The following SLC17A8 variants were observed in gnomAD, a reference collection of about 807,000 sequenced individuals.
The protein encoded by SLC17A8 is solute carrier family 17 member 8, also known as vesicular glutamate transporter 3.
SLC17A8 carries 31 observed loss-of-function variants against 58.0 expected under a neutral mutation model. The ratio of observed to expected loss-of-function variants is 0.53; its 90% CI spans 0.40 to 0.72. SLC17A8 has a LOEUF of 0.72. Ranked by LOEUF, SLC17A8 falls within the 30% of genes least tolerant of loss-of-function variation. The probability of loss-of-function intolerance (pLI) is 0.00; values close to 1 mark genes in which losing one functional copy is unlikely to be tolerated. For missense variants in SLC17A8, 655 were observed against 727.8 expected (o/e 0.90, Z 1.15); for synonymous variants, 228 against 249.0 (o/e 0.92, Z 0.79).
chr12:100,376,397 TA>T (rs1386147926), intron 1 of SLC17A8, among the ~76,000 whole-genome samples: 1 of 152,056 alleles, frequency 6.6e-6, no homozygotes, highest in African/African-American at 2.4e-5. Context: ...GACTACAAAG[TA>T]ACAGGTACAG....
At chr12:100,397,867 C>T (rs1005684365) in intron 5 of SLC17A8, among the ~76,000 whole-genome samples, 17 of 146,736 alleles carry the variant, frequency 1.2e-4, no homozygotes, top group Admixed American at 8.1e-4. Flanking sequence ...CGCTTGAGCC[C>T]GGAGGTGGAG....
rs1472795042 is a variant in SLC17A8, at chr12:100,396,334, T to G, written c.593T>G (p.Val198Gly). ...VRILQGLVEG[V>G]TYPACHGMWS... ...TATTTTCAACTCTTCTGCCAGGGTG[T>G]GACCTACCCAGCCTGCCATGGGATG... Residue 198 changes from valine (V) to glycine (G), a missense_variant, in exon 5 of 12, where the codon GTG becomes GGG. Val to Gly is a moderately radical substitution (Grantham distance 109, BLOSUM62 -3). Transcript: ENST00000323346. 6.2e-7 allele frequency: 1 copy of G among 1,613,824 alleles called. No individual in the cohort carries two copies. Among genetic ancestry groups the G allele is most frequent in the Non-Finnish European group, 8.5e-7 (1 of 1,179,724 alleles).
At chr12:100,389,847 G>T (rs1210449513) in intron 2 of SLC17A8, among the ~76,000 whole-genome samples, 2 of 136,256 alleles carry the variant, frequency 1.5e-5, no homozygotes, top group African/African-American at 5.7e-5. Flanking sequence ...TTGAGATGGA[G>T]TCTCTCTCAG....
At chr12:100,358,484 C>G (rs1275483002) in intron 1 of SLC17A8, among the ~76,000 whole-genome samples, 3 of 152,062 alleles carry the variant, frequency 2.0e-5, no homozygotes, top group Non-Finnish European at 4.4e-5. Context: ...ACATATGCTC[C>G]TGTCAGTGTT....
At chr12:100,409,949 G>A (rs1402860912) in intron 9 of SLC17A8, among the ~76,000 whole-genome samples, 1 of 152,218 alleles carries the variant, frequency 6.6e-6, no homozygotes, top group Admixed American at 6.5e-5. Flanking sequence ...CTATACTCAT[G>A]ATATGGAGCT....
At chr12:100,389,262 C>T (rs986180759) in intron 2 of SLC17A8, among the ~76,000 whole-genome samples, 9 of 152,288 alleles carry the variant, frequency 5.9e-5, no homozygotes, top group Admixed American at 2.0e-4. Flanking sequence ...ATTGAGTCTA[C>T]ACTGTGTGCC....
intron 1 of SLC17A8, among the ~76,000 whole-genome samples, chr12:100,368,355 C>A (rs1952534624): frequency 6.6e-6 from 1 of 152,206 alleles, no homozygotes; most frequent in African/African-American, 2.4e-5. Flanking sequence ...GTGTCTGTGT[C>A]TATGATTTCA....
intron 1 of SLC17A8, among the ~76,000 whole-genome samples, chr12:100,369,627 C>G (rs2135974433): frequency 6.6e-6 from 1 of 152,318 alleles, no homozygotes; most frequent in Non-Finnish European, 1.5e-5. Flanking sequence ...CTCATGCCTG[C>G]ATTGTAGCTG....
chr12:100,386,013 C>T (rs888291728), intron 2 of SLC17A8, among the ~76,000 whole-genome samples: 2 of 152,168 alleles, frequency 1.3e-5, no homozygotes, highest in African/African-American at 4.8e-5. Context: ...CGTGTCTCCT[C>T]TTTTGTCTCA....
chr12:100,390,074 A>G (rs1267707484), intron 2 of SLC17A8, among the ~76,000 whole-genome samples: 1 of 151,734 alleles, frequency 6.6e-6, no homozygotes, highest in Non-Finnish European at 1.5e-5. Flanking sequence ...ACCCACCTCT[A>G]TCTCCCAAAG....
intron 9 of SLC17A8, chr12:100,404,495 G>A (rs1952812882): frequency 3.8e-6 from 1 of 262,392 alleles, no homozygotes; most frequent in Admixed American, 5.2e-5. Flanking sequence ...TTGTGCATGG[G>A]ATATATGCAC....
intron 2 of SLC17A8, among the ~76,000 whole-genome samples, chr12:100,388,688 T>A (rs1952693137): frequency 6.6e-6 from 1 of 152,212 alleles, no homozygotes; most frequent in African/African-American, 2.4e-5. Context: ...CGGATAAATA[T>A]GTAATAACTT....
At position 100,357,507 on chromosome 12, in the gene SLC17A8, C is replaced by A. The variant is rs752042164; in HGVS notation, c.101+15C>A. 1.3e-6 allele frequency: 2 copies of A among 1,531,160 alleles called. No homozygotes were observed. Among genetic ancestry groups the A allele is most frequent in the African/African-American group, 1.4e-5 (1 of 73,226 alleles). The allele number at this position is 1,531,160 out of a possible 1,614,324, so 94.8% of individuals were successfully genotyped here. ...ATTTTACAAAGGTAAAGTTTGAATG[C>A]GAACTTTAGTTCCTTTCTGAGTAGC... On this transcript the variant is annotated intron_variant, in intron 1 of 11. Transcript: ENST00000323346.
intron 9 of SLC17A8, among the ~76,000 whole-genome samples, chr12:100,409,179 AT>A (rs2136011621): frequency 6.6e-6 from 1 of 151,760 alleles, no homozygotes; most frequent in South Asian, 2.1e-4. Context: ...GTATGTATGT[AT>A]GTATGTATGT....
At chr12:100,412,531 A>G (rs971775497) in intron 9 of SLC17A8, among the ~76,000 whole-genome samples, 1 of 151,816 alleles carries the variant, frequency 6.6e-6, no homozygotes, top group Non-Finnish European at 1.5e-5. Context: ...TACCTATGTA[A>G]TAAACCTGCA....
intron 5 of SLC17A8, among the ~76,000 whole-genome samples, chr12:100,401,415 G>A (rs1293856371): frequency 2.0e-5 from 3 of 151,682 alleles, no homozygotes; most frequent in African/African-American, 7.3e-5. Flanking sequence ...AGCAAATTTT[G>A]TATGTTCCTT....
intron 4 of SLC17A8, among the ~76,000 whole-genome samples, chr12:100,394,983 C>T (rs890331863): frequency 6.6e-6 from 1 of 151,656 alleles, no homozygotes; most frequent in Non-Finnish European, 1.5e-5. Context: ...ATATATGACA[C>T]TTTGGGATGT....
At chr12:100,363,706 G>T (rs1398077164) in intron 1 of SLC17A8, among the ~76,000 whole-genome samples, 1 of 151,872 alleles carries the variant, frequency 6.6e-6, no homozygotes, top group Non-Finnish European at 1.5e-5. Flanking sequence ...ACCCTCCCAG[G>T]GTTTCATCTC....
chr12:100,401,307 CTT>C (rs968487359), intron 5 of SLC17A8, among the ~76,000 whole-genome samples: 1 of 144,214 alleles, frequency 6.9e-6, no homozygotes, highest in Non-Finnish European at 1.5e-5. Context: ...CAACCCTCTC[CTT>C]TTTTTTTTTA....
Sources: allele counts gnomAD v4.1 joint callset (sites outside exome capture counted in the v4.1 genomes callset), GRCh38; gene constraint gnomAD v4.1.1; transcripts MANE v1.5; gene names NCBI Gene and HGNC (gene_info 2026-07-23, HGNC 2026-07-21).